The following TAFA1 variants were observed in gnomAD, a reference collection of about 807,000 sequenced individuals.
TAFA1 encodes TAFA chemokine like family member 1.
In TAFA1, 4 loss-of-function variants were observed where a neutral mutation model predicts 18.5. The observed-to-expected ratio is 0.22, with a 90% CI of 0.11 to 0.49. TAFA1 has a LOEUF of 0.49. Among genes scored for constraint, TAFA1 ranks in the 20% least tolerant of loss-of-function variants. TAFA1 has a pLI of 0.98. For missense variants in TAFA1, 147 were observed against 169.0 expected, an observed-to-expected ratio of 0.87 and a Z score of 0.72; for synonymous variants, 56 against 55.2, an observed-to-expected ratio of 1.01 and a Z score of -0.06.
chr3:68,032,176 A>T (rs1419696986), intron 2 of TAFA1, among the ~76,000 whole-genome samples: 1 of 152,126 alleles, frequency 6.6e-6, no homozygotes. Flanking sequence ...TATGAGATTC[A>T]TTAGTTGAAG....
At chr3:68,145,938 G>C (rs190271816) in intron 2 of TAFA1, among the ~76,000 whole-genome samples, 1 of 152,050 alleles carries the variant, frequency 6.6e-6, no homozygotes, top group African/African-American at 2.4e-5. Flanking sequence ...TACACAACCC[G>C]GGGGACATGG....
At chr3:68,526,567 A>C (rs1239973351) in intron 3 of TAFA1, among the ~76,000 whole-genome samples, 1 of 152,186 alleles carries the variant, frequency 6.6e-6, no homozygotes, top group Non-Finnish European at 1.5e-5. Context: ...AAATGATTAC[A>C]TATAAAAAGA....
At chr3:68,334,168 A>G (rs563740463) in intron 2 of TAFA1, among the ~76,000 whole-genome samples, 12 of 152,212 alleles carry the variant, frequency 7.9e-5, no homozygotes, top group African/African-American at 1.4e-4. Flanking sequence ...AAATAATGCT[A>G]TGAGGTGATG....
chr3:68,444,341 A>G (rs2071437017), intron 3 of TAFA1, among the ~76,000 whole-genome samples: 1 of 152,116 alleles, frequency 6.6e-6, no homozygotes, highest in South Asian at 2.1e-4. Flanking sequence ...ATCACATCCA[A>G]TGTAATTCCC....
chr3:68,057,078 T>A (rs2064545923), intron 2 of TAFA1, among the ~76,000 whole-genome samples: 2 of 152,190 alleles, frequency 1.3e-5, no homozygotes, highest in African/African-American at 4.8e-5. Context: ...TTTAGGTTCC[T>A]CTGCCCTTGG....
chr3:68,227,919 A>G (rs932549102), intron 2 of TAFA1, among the ~76,000 whole-genome samples: 4 of 152,206 alleles, frequency 2.6e-5, no homozygotes, highest in African/African-American at 9.7e-5. Flanking sequence ...ATCTTTTATC[A>G]CTGGCCGTAA....
intron 2 of TAFA1, among the ~76,000 whole-genome samples, chr3:68,148,278 C>G (rs1250722199): frequency 1.3e-5 from 2 of 152,170 alleles, no homozygotes; most frequent in Non-Finnish European, 2.9e-5. Context: ...AACTATTTGA[C>G]GTAGCATAGC....
At chr3:68,156,036 T>G (rs1313789866) in intron 2 of TAFA1, among the ~76,000 whole-genome samples, 1 of 151,734 alleles carries the variant, frequency 6.6e-6, no homozygotes, top group Non-Finnish European at 1.5e-5. Flanking sequence ...AACCCCAGGG[T>G]CAAGCAGACT....
At position 68,121,855 on chromosome 3, in the gene TAFA1, G is replaced by A. The variant is rs1699381292; in HGVS notation, c.118+115111G>A. On this transcript the variant is annotated intron_variant, in intron 2 of 4. Coordinates refer to ENST00000478136, the MANE Select transcript of TAFA1 (RefSeq NM_213609.4). Reference sequence around the variant, plus strand: ...ACTTAAAGTATCTGTAATTTTGCAGGCATCCTGGAATGAGTTCTGTAATTT... The same window carrying A: ...ACTTAAAGTATCTGTAATTTTGCAGACATCCTGGAATGAGTTCTGTAATTT... 2.0e-5 allele frequency among the ~76,000 whole-genome samples: 3 copies of A among 152,094 alleles called. No homozygotes were observed. In the South Asian group the frequency reaches 6.2e-4, roughly 31 times the overall value.
intron 2 of TAFA1, among the ~76,000 whole-genome samples, chr3:68,336,290 C>G (rs1194384904): frequency 6.6e-6 from 1 of 152,218 alleles, no homozygotes; most frequent in East Asian, 1.9e-4. Context: ...ATCTGAAAAT[C>G]TTAATTCTGA....
chr3:68,344,679 G>A (rs2069136727), intron 2 of TAFA1, among the ~76,000 whole-genome samples: 1 of 152,120 alleles, frequency 6.6e-6, no homozygotes, highest in Non-Finnish European at 1.5e-5. Flanking sequence ...GTGTTTTAGG[G>A]TTTTAGCTGG....
intron 2 of TAFA1, among the ~76,000 whole-genome samples, chr3:68,389,729 G>C (rs138364798): frequency 6.6e-4 from 101 of 152,122 alleles, no homozygotes; most frequent in Middle Eastern, 6.8e-3. Context: ...AAGCTGGGTG[G>C]GGTGTTACCC....
At chr3:68,015,029 A>G (rs55887506) in intron 2 of TAFA1, among the ~76,000 whole-genome samples, 7,085 of 152,082 alleles carry the variant, frequency 0.047, 278 homozygotes, top group East Asian at 0.13. Context: ...TTATGCAAGC[A>G]GAGTAGAGAG....
chr3:68,329,865 A>G (rs1300444756), intron 2 of TAFA1, among the ~76,000 whole-genome samples: 2 of 152,332 alleles, frequency 1.3e-5, no homozygotes, highest in Admixed American at 6.5e-5. Context: ...TTAGAATTAT[A>G]TAAAAATTAA....
intron 2 of TAFA1, among the ~76,000 whole-genome samples, chr3:68,383,908 G>A (rs1332224344): frequency 6.6e-6 from 1 of 152,044 alleles, no homozygotes. Context: ...AGTCTTGGGA[G>A]GATGTATATG....
intron 2 of TAFA1, among the ~76,000 whole-genome samples, chr3:68,370,629 T>C (rs1263447568): frequency 6.8e-6 from 1 of 147,918 alleles, no homozygotes; most frequent in African/African-American, 2.5e-5. Flanking sequence ...AGTAGGATGA[T>C]GGAGTTCCTT....
chr3:68,185,026 T>C (rs576009909), intron 2 of TAFA1, among the ~76,000 whole-genome samples: 3 of 152,264 alleles, frequency 2.0e-5, no homozygotes, highest in East Asian at 1.9e-4. Context: ...CCCTGCTATA[T>C]GTCAGGGACT....
At chr3:67,998,388 C>A in the TAFA1 span, among the ~76,000 whole-genome samples, 4 of 152,134 alleles carry the variant, frequency 2.6e-5, no homozygotes, top group African/African-American at 4.8e-5. Context: ...TATCCTAATT[C>A]TCCTTTAAGT....
At chr3:68,413,946 G>A (rs2070764472) in intron 2 of TAFA1, among the ~76,000 whole-genome samples, 1 of 152,074 alleles carries the variant, frequency 6.6e-6, no homozygotes, top group South Asian at 2.1e-4. Flanking sequence ...TACATGCCTG[G>A]GGTGCTCATG....
Sources: gnomAD v4.1 joint callset for allele counts (sites outside exome capture counted in the v4.1 genomes callset) on GRCh38, gnomAD v4.1.1 for gene constraint, MANE v1.5 for transcripts, NCBI Gene and HGNC (gene_info 2026-07-23, HGNC 2026-07-21) for gene names.